SPRYD3: variants seen among roughly 807,000 people sequenced by gnomAD.
The protein encoded by SPRYD3 is SPRY domain-containing protein 3.
Under a neutral mutation model 50.1 loss-of-function variants are expected in SPRYD3, and 17 were observed. The ratio of observed to expected loss-of-function variants is 0.34; its 90% CI spans 0.23 to 0.51. SPRYD3 has a LOEUF of 0.51. Among genes scored for constraint, SPRYD3 ranks in the 20% least tolerant of loss-of-function variants. SPRYD3 has a pLI of 0.97. For synonymous variants in SPRYD3, 198 were observed against 215.5 expected (o/e 0.92, Z 0.71); for missense variants, 401 against 591.2 (o/e 0.68, Z 3.34).
chr12:53,070,171 T>C (rs1944539282), intron 6 of SPRYD3, among the ~76,000 whole-genome samples: 1 of 152,174 alleles, frequency 6.6e-6, no homozygotes, highest in African/African-American at 2.4e-5. Flanking sequence ...CCTGGACGAC[T>C]AGGTACTTGT....
chr12:53,072,019 T>C (rs1944553236), intron 6 of SPRYD3, among the ~76,000 whole-genome samples: 1 of 152,204 alleles, frequency 6.6e-6, no homozygotes, highest in Non-Finnish European at 1.5e-5. Context: ...TAGAAAAGAT[T>C]GCCTGGGAGG....
chr12:53,068,330 T>G (rs1944525196), intron 6 of SPRYD3, 26 bp from the exon 7 acceptor site: 1 of 1,611,752 alleles, frequency 6.2e-7, no homozygotes, highest in South Asian at 1.1e-5. Context: ...CAGATGGGGG[T>G]CAGGGGACAG....
rs757011229 is a variant in SPRYD3 at position 53,077,190 on chromosome 12, C to T, written c.95G>A (p.Arg32Gln). The T allele has an allele frequency of 3.1e-6, 5 of 1,614,074 alleles. No homozygotes were observed. Among genetic ancestry groups the T allele is most frequent in the Non-Finnish European group, 3.4e-6 (4 of 1,180,036 alleles). The change falls in exon 2 of 11, where the codon CGG (arginine) becomes CAG (glutamine). Residue 32 changes from arginine (R) to glutamine (Q), a missense_variant. Physicochemically the swap from Arg to Gln is conservative, Grantham distance 43. Coordinates refer to ENST00000301463, the MANE Select transcript of SPRYD3 (RefSeq NM_032840.3). ...GAAAGCTCGGACCTCTCGAATCTCC[C>T]GGATCCGCCGGCGCCAATTCAGAAA... ...YRFLNWRRRI[R>Q]EIREVRAFRY...
rs1944498995 is a variant in SPRYD3 at position 53,065,761 on chromosome 12, G to A, written c.*71C>T. On this transcript the variant is annotated 3_prime_UTR_variant, in exon 11 of 11. Transcript: ENST00000301463. ...CCTGCTGGGTAAACGAAGCCTCTGG[G>A]AAGTCAGGAACTGGGTGCCTGGCCC... 1 of 1,526,130 alleles carries A rather than the reference G, an allele frequency of 6.6e-7. No homozygotes were observed. Among genetic ancestry groups the A allele is most frequent in the African/African-American group, 1.4e-5 (1 of 72,732 alleles). 94.5% of individuals were successfully genotyped at this position (1,526,130 alleles called of 1,614,324 possible). A position where few individuals can be genotyped will look rare whatever the true frequency, so the allele number is the denominator to read the frequency against.
chr12:53,069,826 C>G (rs1446831041), intron 6 of SPRYD3, among the ~76,000 whole-genome samples: 1 of 151,082 alleles, frequency 6.6e-6, no homozygotes, highest in Non-Finnish European at 1.5e-5. Context: ...GAGCAGCCCC[C>G]AGCCCACCCT....
At position 53,067,138 on chromosome 12, in the gene SPRYD3, G is replaced by A. The variant is rs181335388; in HGVS notation, c.902-446C>T. On this transcript the variant is annotated intron_variant, in intron 8 of 10. Coordinates refer to ENST00000301463, the MANE Select transcript of SPRYD3 (RefSeq NM_032840.3). The stretch of plus-strand genomic sequence containing the variant: ...AAAAAAAAAAAAAAAAAATTGGAGC[G>A]AGATATATGGGAAGGGGGCACCAAA... 1.7e-3 allele frequency among the ~76,000 whole-genome samples: 250 copies of A among 150,422 alleles called. 1 individual carries two copies. The highest frequency in any genetic ancestry group is 5.2e-4 in the Non-Finnish European group (35 of 67,720).
chr12:53,076,541 A>G (rs565023457), intron 2 of SPRYD3, among the ~76,000 whole-genome samples: 1 of 152,310 alleles, frequency 6.6e-6, no homozygotes, highest in South Asian at 2.1e-4. Flanking sequence ...AGTCTTCTCA[A>G]CAAAGCACCT....
rs111949934 is a variant in SPRYD3, at chr12:53,073,506, C to G, written c.508-35G>C. 2.2e-5 allele frequency: 32 copies of G among 1,486,916 alleles called. No homozygotes were observed. The African/African-American group carries it at 3.1e-4, about 14-fold the overall frequency. 92.1% of individuals were successfully genotyped at this position (1,486,916 alleles called of 1,614,324 possible). A position where few individuals can be genotyped will look rare whatever the true frequency, so the allele number is the denominator to read the frequency against. ...GGGGAAAGACGGAGCTGCCACCCGG[C>G]CTGCTTTTCCATAGCTCACCTAATT... On this transcript the variant is annotated intron_variant, in intron 5 of 10. Coordinates refer to ENST00000301463, the MANE Select transcript of SPRYD3 (RefSeq NM_032840.3).
At chr12:53,071,562 C>T (rs1016229473) in intron 6 of SPRYD3, among the ~76,000 whole-genome samples, 4 of 151,976 alleles carry the variant, frequency 2.6e-5, no homozygotes, top group Non-Finnish European at 5.9e-5. Context: ...CTGTCTATAT[C>T]CAAAGACTCA....
At chr12:53,069,893 C>A (rs1443351364) in intron 6 of SPRYD3, among the ~76,000 whole-genome samples, 3 of 152,198 alleles carry the variant, frequency 2.0e-5, no homozygotes, top group Admixed American at 2.0e-4. Flanking sequence ...TTGACCCATT[C>A]TATCCAACTG....
At chr12:53,067,731 C>CT in intron 7 of SPRYD3, 26 bp from the exon 8 acceptor site, 1 of 1,607,916 alleles carries the variant, frequency 6.2e-7, no homozygotes, top group South Asian at 1.1e-5. Flanking sequence ...AAAAGAAAAT[C>CT]TATGGTCCCA....
chr12:53,068,418 G>A lies in SPRYD3; in HGVS notation c.694-114C>T, dbSNP rs1211277849. ...CCAGGTCTGACAAAAACTCCTGGCT[G>A]AAAGGGAAAGAATCCTAGAGATACA... On this transcript the variant is annotated intron_variant, in intron 6 of 10. Transcript: ENST00000301463. The A allele has an allele frequency of 3.3e-6, 4 of 1,220,380 alleles. No homozygotes were observed. In the East Asian group the frequency reaches 7.0e-5, roughly 21 times the overall value. The allele number at this position is 1,220,380 out of a possible 1,614,324, so 75.6% of individuals were successfully genotyped here. A position where few individuals can be genotyped will look rare whatever the true frequency, so the allele number is the denominator to read the frequency against.
At chr12:53,073,259 C>CCCGGGGGGGGGGGGGGGGGGGGG in intron 6 of SPRYD3, 27 bp downstream of exon 6, 1 of 400,928 alleles carries the variant, frequency 2.5e-6, no homozygotes, top group Non-Finnish European at 4.6e-6. Flanking sequence ...CGACCCAGCC[C>CCCGGGGGGGGGGGGGGGGGGGGG]CTCCCACCCT....
chr12:53,075,232 A>AAGCAGGGCACAGTC lies in SPRYD3; in HGVS notation c.247-27_247-14dup, dbSNP rs1307473675. 6.3e-7 allele frequency: 1 copy of AAGCAGGGCACAGTC among 1,593,996 alleles called. No homozygotes were observed. The highest frequency in any genetic ancestry group is 1.7e-5 in the Admixed American group (1 of 59,682). ...CCACAATAGACACCTGGAGAGAAGA[A>AAGCAGGGCACAGTC]AGCAGGGCACAGTCAGCAGGGCTGG... On this transcript the variant is annotated splice_polypyrimidine_tract_variant and intron_variant, in intron 3 of 10. Coordinates refer to ENST00000301463, the MANE Select transcript of SPRYD3 (RefSeq NM_032840.3).
rs1455101373 is a variant in SPRYD3 at position 53,074,279 on chromosome 12, C to G, written c.507+370G>C. On this transcript the variant is annotated intron_variant, in intron 5 of 10. Transcript: ENST00000301463. This position sits in a 1 kb window ranked among gnomAD's most constrained non-coding sequence, Gnocchi z 4.6. ...GAAAGGACATATCCCCAAAAGTGCTCAAGTCAAAACCCAAAGAGGACCTCC... is the reference window on the plus strand; with the variant it reads ...GAAAGGACATATCCCCAAAAGTGCTGAAGTCAAAACCCAAAGAGGACCTCC... Among the ~76,000 whole-genome samples, 1 of 152,216 alleles carries G rather than the reference C, an allele frequency of 6.6e-6. No homozygotes were observed. Among genetic ancestry groups the G allele is most frequent in the Admixed American group, 6.5e-5 (1 of 15,284 alleles).
At chr12:53,070,811 A>G (rs1424703101) in intron 6 of SPRYD3, among the ~76,000 whole-genome samples, 2 of 152,220 alleles carry the variant, frequency 1.3e-5, no homozygotes, top group African/African-American at 4.8e-5. Flanking sequence ...CACTCCCCAG[A>G]CAACTCTACC....
chr12:53,068,645 T>G (rs1384404304), intron 6 of SPRYD3, among the ~76,000 whole-genome samples: 1 of 152,094 alleles, frequency 6.6e-6, no homozygotes, highest in Non-Finnish European at 1.5e-5. Flanking sequence ...CAGCCTTTCC[T>G]GCTGGGAAAG....
At position 53,066,690 on chromosome 12, in the gene SPRYD3, C is replaced by T. The variant is rs1018510514; in HGVS notation, c.904G>A (p.Asp302Asn). 6.2e-7 allele frequency: 1 copy of T among 1,607,444 alleles called. No homozygotes were observed. Among genetic ancestry groups the T allele is most frequent in the African/African-American group, 1.3e-5 (1 of 74,810 alleles). The change falls in exon 9 of 11, where the codon GAT becomes AAT. Residue 302 changes from aspartate to asparagine, a missense_variant and splice_region_variant. Physicochemically the swap from Asp to Asn is conservative, Grantham distance 23 (BLOSUM62 1). Coordinates refer to ENST00000301463, the MANE Select transcript of SPRYD3 (RefSeq NM_032840.3). ...CCACTGCCATGGAAGATCTTCCCAT[C>T]GTCTGTTGGAGGGAGGGGAAAGGAC... is the stretch of plus-strand genomic sequence containing the variant. The part of the protein sequence containing the change: ...SRGSVAYHAD[D>N]GKIFHGSGVG...
chr12:53,073,843 C>CAA lies in SPRYD3; in HGVS notation c.508-374_508-373dup, dbSNP rs1179115235. 1.6e-4 allele frequency among the ~76,000 whole-genome samples: 10 copies of CAA among 63,626 alleles called. 1 individual carries two copies. The South Asian group carries it at 4.2e-3, about 27-fold the overall frequency. 41.7% of individuals were successfully genotyped at this position (63,626 alleles called of 152,430 possible). ...TGGGGGACAGAGCGAGACTCCATTT[C>CAA]AAAAAAAAAAAAAAAAAGATGATGC... On this transcript the variant is annotated intron_variant, in intron 5 of 10. Transcript: ENST00000301463.
Sources: allele counts gnomAD v4.1 joint callset (sites outside exome capture counted in the v4.1 genomes callset), GRCh38; gene constraint gnomAD v4.1.1; non-coding constraint Gnocchi (gnomAD v3.1); transcripts MANE v1.5; gene names NCBI Gene and HGNC (gene_info 2026-07-23, HGNC 2026-07-21).